BLTP3B: variants seen among roughly 807,000 people sequenced by gnomAD.
BLTP3B encodes bridge-like lipid transfer protein family member 3B.
chr12:100,076,636 C>A, the BLTP3B span, among the ~76,000 whole-genome samples: 1 of 152,170 alleles, frequency 6.6e-6, no homozygotes, highest in Non-Finnish European at 1.5e-5. Flanking sequence ...TCAAGTGATC[C>A]ACCCACTTTG....
chr12:100,128,838 C>A, the BLTP3B span: 7 of 851,422 alleles, frequency 8.2e-6, no homozygotes, highest in South Asian at 5.8e-5. Flanking sequence ...AAAAAAAAAA[C>A]AGTTGCATTT....
the BLTP3B span, among the ~76,000 whole-genome samples, chr12:100,066,630 A>G: frequency 1.2e-5 from 1 of 82,996 alleles, no homozygotes; most frequent in East Asian, 2.3e-4. Context: ...TGTCTCTACT[A>G]AAAAAAAAAA....
the BLTP3B span, among the ~76,000 whole-genome samples, chr12:100,132,728 C>T: frequency 1.5e-5 from 2 of 135,892 alleles, no homozygotes; most frequent in Non-Finnish European, 3.0e-5. Context: ...AGGTGGATCA[C>T]TTGAGGCCAG....
the BLTP3B span, among the ~76,000 whole-genome samples, chr12:100,080,578 T>C: frequency 2.0e-5 from 3 of 152,354 alleles, no homozygotes; most frequent in Admixed American, 1.3e-4. Flanking sequence ...CCCTTTGTTT[T>C]GGCCAACTTC....
the BLTP3B span, chr12:100,128,500 G>C: frequency 9.9e-7 from 1 of 1,013,766 alleles, no homozygotes; most frequent in African/African-American, 1.7e-5. Context: ...TATTCTCAAA[G>C]TATCTTTATG....
the BLTP3B span, among the ~76,000 whole-genome samples, chr12:100,093,963 G>A: frequency 9.9e-5 from 15 of 152,078 alleles, no homozygotes; most frequent in Non-Finnish European, 1.5e-5. Flanking sequence ...TCATTTCTAA[G>A]ACGTAATTTT....
At chr12:100,078,540 A>C in the BLTP3B span, among the ~76,000 whole-genome samples, 1 of 152,170 alleles carries the variant, frequency 6.6e-6, no homozygotes, top group Non-Finnish European at 1.5e-5. Flanking sequence ...TTGATAGCCT[A>C]GTTGCGTTAA....
At chr12:100,043,153 T>C in the BLTP3B span, among the ~76,000 whole-genome samples, 1 of 152,240 alleles carries the variant, frequency 6.6e-6, no homozygotes. Context: ...ATAATAATAG[T>C]GTAAACATGA....
At chr12:100,039,993 T>C in the BLTP3B span, among the ~76,000 whole-genome samples, 1 of 152,174 alleles carries the variant, frequency 6.6e-6, no homozygotes. Context: ...TAAGAATTCT[T>C]CCCAAGAATT....
At chr12:100,073,327 C>T in the BLTP3B span, among the ~76,000 whole-genome samples, 2 of 150,398 alleles carry the variant, frequency 1.3e-5, no homozygotes, top group Non-Finnish European at 3.0e-5. Context: ...ATGTGCTTAA[C>T]GACAATTATT....
the BLTP3B span, chr12:100,058,786 G>A: frequency 1.9e-6 from 3 of 1,613,974 alleles, no homozygotes; most frequent in Non-Finnish European, 2.5e-6. Context: ...AGTGACTCAT[G>A]CAGGAAAAGT....
the BLTP3B span, among the ~76,000 whole-genome samples, chr12:100,121,866 T>G: frequency 6.6e-6 from 1 of 152,160 alleles, no homozygotes; most frequent in African/African-American, 2.4e-5. Flanking sequence ...ACCTTAAATA[T>G]GTGCAGTGTA....
At chr12:100,096,121 C>T in the BLTP3B span, among the ~76,000 whole-genome samples, 5 of 151,932 alleles carry the variant, frequency 3.3e-5, no homozygotes, top group African/African-American at 4.8e-5. Flanking sequence ...GGTGTGGTGG[C>T]GGACACCTGT....
the BLTP3B span, among the ~76,000 whole-genome samples, chr12:100,056,855 A>G: frequency 2.6e-5 from 4 of 151,974 alleles, no homozygotes; most frequent in African/African-American, 9.7e-5. Flanking sequence ...GAAAAAAGAA[A>G]GTAATTCATA....
chr12:100,137,595 A>G, the BLTP3B span, among the ~76,000 whole-genome samples: 1 of 152,304 alleles, frequency 6.6e-6, no homozygotes, highest in South Asian at 2.1e-4. Context: ...CTTGGATTAC[A>G]GGCATGAGCC....
At chr12:100,057,934 C>T in the BLTP3B span, 1 of 1,402,584 alleles carries the variant, frequency 7.1e-7, no homozygotes, top group Non-Finnish European at 9.6e-7. Flanking sequence ...CATATTTTGT[C>T]ATGAGCTTTT....
At chr12:100,042,199 A>T in the BLTP3B span, among the ~76,000 whole-genome samples, 1 of 152,208 alleles carries the variant, frequency 6.6e-6, no homozygotes. Context: ...CTTTAACACA[A>T]TCCCTATCAG....
chr12:100,041,113 T>C, the BLTP3B span, among the ~76,000 whole-genome samples: 5 of 152,176 alleles, frequency 3.3e-5, no homozygotes, highest in Non-Finnish European at 4.4e-5. Context: ...CTATAAAGCA[T>C]GGTCAACTGG....
the BLTP3B span, among the ~76,000 whole-genome samples, chr12:100,056,937 CTG>C: frequency 6.6e-6 from 1 of 152,122 alleles, no homozygotes; most frequent in Non-Finnish European, 1.5e-5. Context: ...CTTCTAATTC[CTG>C]TTTACAAACT....
Sources: allele counts gnomAD v4.1 joint callset (sites outside exome capture counted in the v4.1 genomes callset), GRCh38; gene constraint gnomAD v4.1.1; transcripts MANE v1.5; gene names NCBI Gene and HGNC (gene_info 2026-07-23, HGNC 2026-07-21).